ENSA: variants seen among roughly 807,000 people sequenced by gnomAD.
The protein encoded by ENSA is endosulfine alpha, also known as alpha-endosulfine.
In ENSA, 7 loss-of-function variants were observed where a neutral mutation model predicts 16.8. That is an observed-to-expected ratio of 0.42 (90% CI 0.24 to 0.78). ENSA has a LOEUF of 0.78. Among genes scored for constraint, ENSA ranks in the 30% least tolerant of loss-of-function variants. The pLI is 0.29. For missense variants in ENSA, 87 were observed against 142.3 expected (o/e 0.61, Z 1.98); for synonymous variants, 58 against 53.4 (o/e 1.09, Z -0.37).
chr1:150,626,388 C>A (rs1389292410), intron 2 of ENSA: 1 of 1,325,024 alleles, frequency 7.5e-7, no homozygotes, highest in East Asian at 2.3e-5. Context: ...GCCTGCCTTG[C>A]CTCCAGCAAG....
Position 150,622,866 on chromosome 1 carries a change from A to C in ENSA, c.351-7T>G. ...GCATCATTCAACTTGGCCACTGCGG[A>C]CGAACACAGAAGAAAAAAAAAAAAA... On this transcript the variant is annotated splice_polypyrimidine_tract_variant and splice_region_variant and intron_variant, in intron 3 of 3. Transcript: ENST00000369014. 1.3e-6 allele frequency: 2 copies of C among 1,545,120 alleles called. No individual in the cohort carries two copies. Among genetic ancestry groups the C allele is most frequent in the Non-Finnish European group, 1.7e-6 (2 of 1,144,126 alleles).
chr1:150,625,039 A>G (rs962271899), intron 3 of ENSA: 2 of 985,272 alleles, frequency 2.0e-6, no homozygotes, highest in Admixed American at 6.2e-5. Flanking sequence ...ATGTTCATCA[A>G]TCTTTATATT....
chr1:150,623,501 A>G (rs1649097007), intron 3 of ENSA: 3 of 985,694 alleles, frequency 3.0e-6, no homozygotes, highest in African/African-American at 1.7e-5. Context: ...ATTCCTTCCT[A>G]AAAATCAGAC....
intron 1 of ENSA, chr1:150,628,955 A>C: frequency 4.5e-6 from 5 of 1,100,016 alleles, no homozygotes; most frequent in South Asian, 1.3e-5. Flanking sequence ...TAATAACTAC[A>C]CTTCTCCCCT....
intron 3 of ENSA, chr1:150,623,798 G>A: frequency 1.0e-6 from 1 of 985,744 alleles, no homozygotes; most frequent in Non-Finnish European, 1.2e-6. Context: ...ACAATTACAA[G>A]TGACAGTCAA....
At chr1:150,626,442 CAAT>C in intron 2 of ENSA, 1 of 1,596,168 alleles carries the variant, frequency 6.3e-7, no homozygotes, top group Non-Finnish European at 8.6e-7. Flanking sequence ...GACTAAGACT[CAAT>C]AACTGGGATC....
chr1:150,627,703 T>G (rs1649447187), intron 1 of ENSA, 111 bp from the exon 2 acceptor site: 3 of 1,177,346 alleles, frequency 2.5e-6, no homozygotes, highest in Non-Finnish European at 3.6e-6. Flanking sequence ...CACTTGTAAA[T>G]ACGCTATCTC....
chr1:150,624,320 A>G, intron 3 of ENSA: 2 of 985,932 alleles, frequency 2.0e-6, no homozygotes, highest in African/African-American at 3.5e-5. Flanking sequence ...ATCTTCTAAG[A>G]ACCTGTTCCT....
intron 2 of ENSA, 86 bp downstream of exon 2, chr1:150,627,381 A>G: frequency 2.5e-6 from 4 of 1,612,996 alleles, no homozygotes; most frequent in Non-Finnish European, 3.4e-6. Context: ...AACCTCCAGA[A>G]AAGGATCCAG....
intron 2 of ENSA, chr1:150,626,498 AG>A (rs1371725422): frequency 6.2e-7 from 1 of 1,613,818 alleles, no homozygotes; most frequent in Admixed American, 1.7e-5. Context: ...CGCACAGAGA[AG>A]CACACTCCAA....
intron 3 of ENSA, chr1:150,624,235 TGG>T: frequency 1.0e-6 from 1 of 983,374 alleles, no homozygotes; most frequent in Non-Finnish European, 1.2e-6. Context: ...TGCTGAGTTC[TGG>T]GGATGCAGAG....
At chr1:150,623,089 A>G (rs587676276) in intron 3 of ENSA, among the ~76,000 whole-genome samples, 1 of 152,320 alleles carries the variant, frequency 6.6e-6, no homozygotes, top group South Asian at 2.1e-4. Flanking sequence ...TTTCTGGGAT[A>G]TCCATGGATA....
chr1:150,623,247 C>T (rs1649080647), intron 3 of ENSA: 3 of 1,034,206 alleles, frequency 2.9e-6, no homozygotes, highest in Non-Finnish European at 3.5e-6. Context: ...GAGGTGGTGA[C>T]TGTGTGGAGG....
intron 3 of ENSA, chr1:150,623,929 T>TA: frequency 1.0e-6 from 1 of 985,414 alleles, no homozygotes; most frequent in Non-Finnish European, 1.2e-6. Flanking sequence ...GAAAGGCATA[T>TA]ACACACCTCA....
At chr1:150,629,293 C>T in intron 1 of ENSA, 121 bp downstream of exon 1, 1 of 1,523,366 alleles carries the variant, frequency 6.6e-7, no homozygotes, top group South Asian at 1.2e-5. Context: ...CAGCGTGACG[C>T]AAAAAGTGGC....
Position 150,622,855 on chromosome 1 carries a change from G to A in ENSA, c.355C>T (p.Gln119Ter). Residue 119 changes from glutamine (Q) to a stop codon, truncating the protein, a stop_gained, in exon 4 of 4, where the codon CAA becomes TAA. Coordinates refer to ENST00000369014, the MANE Select transcript of ENSA (RefSeq NM_004436.4). LOFTEE classifies it high-confidence loss of function. ...SLVTSKLAGG[Q>*]VE is the part of the protein sequence containing the mutation. Reference sequence around the variant, plus strand: ...AGCCCCGGGCAGCATCATTCAACTTGGCCACTGCGGACGAACACAGAAGAA... The same window carrying A: ...AGCCCCGGGCAGCATCATTCAACTTAGCCACTGCGGACGAACACAGAAGAA... 1 of 1,555,672 alleles carries A rather than the reference G, an allele frequency of 6.4e-7. No individual in the cohort carries two copies. Among genetic ancestry groups the A allele is most frequent in the Admixed American group, 2.0e-5 (1 of 51,274 alleles).
At chr1:150,626,191 A>G (rs980257966) in intron 2 of ENSA, among the ~76,000 whole-genome samples, 1 of 152,244 alleles carries the variant, frequency 6.6e-6, no homozygotes, top group Non-Finnish European at 1.5e-5. Context: ...AGAAATGAAT[A>G]AGATATAGAG....
Position 150,627,509 on chromosome 1 carries a change from C to T in ENSA, c.141G>A (p.Lys47=). The part of the protein sequence containing the change: ...LKAKYPSLGQ[K]PGGSDFLMKR... Reference sequence around the variant, plus strand: ...TCATGAGGAAGTCGGAGCCTCCAGGCTTTTGTCCTAGGCTTGGGTATTTGG... The same window carrying T: ...TCATGAGGAAGTCGGAGCCTCCAGGTTTTTGTCCTAGGCTTGGGTATTTGG... Residue 47 remains lysine (K), a synonymous_variant, in exon 2 of 4, where the codon AAG becomes AAA. Transcript: ENST00000369014. 6.2e-7 allele frequency: 1 copy of T among 1,614,186 alleles called. No individual in the cohort carries two copies. Among genetic ancestry groups the T allele is most frequent in the Non-Finnish European group, 8.5e-7 (1 of 1,180,028 alleles).
intron 3 of ENSA, 107 bp from the exon 4 acceptor site, chr1:150,622,966 TAAC>T: frequency 7.3e-7 from 1 of 1,377,200 alleles, no homozygotes; most frequent in South Asian, 1.4e-5. Context: ...CCTCCACATT[TAAC>T]AACCATTAGG....
Sources: allele counts gnomAD v4.1 joint callset (sites outside exome capture counted in the v4.1 genomes callset), GRCh38; gene constraint gnomAD v4.1.1; transcripts MANE v1.5; gene names NCBI Gene and HGNC (gene_info 2026-07-23, HGNC 2026-07-21).